JADE3: variants seen among roughly 807,000 people sequenced by gnomAD.
JADE3 encodes jade family PHD finger 3.
JADE3 carries 2 observed loss-of-function variants against 50.1 expected under a neutral mutation model. The observed-to-expected ratio is 0.04, with a 90% CI of 0.02 to 0.13. The LOEUF (loss-of-function observed/expected upper bound fraction) is 0.13, where lower values mean the gene tolerates loss of function less well. JADE3 is among the 10% of genes least tolerant of loss of function. The pLI is 1.00. For synonymous variants in JADE3, 218 were observed against 232.9 expected, an observed-to-expected ratio of 0.94 and a Z score of 0.58; for missense variants, 475 against 634.4, an observed-to-expected ratio of 0.75 and a Z score of 2.70.
intron 4 of JADE3, among the ~76,000 whole-genome samples, chrX:47,004,764 G>T (rs975377190): frequency 2.7e-5 from 3 of 112,424 alleles, no homozygotes; most frequent in African/African-American, 9.7e-5. Context: ...AATTTGAATA[G>T]CCCTGTAACT....
chrX:47,023,295 G>A (rs944326209), intron 4 of JADE3, among the ~76,000 whole-genome samples: 29 of 111,421 alleles, frequency 2.6e-4, no homozygotes, highest in Middle Eastern at 4.6e-3. Context: ...AGCAGTGTGT[G>A]TTGTTCCCCC....
At chrX:47,050,500 G>A (rs1929481940) in intron 8 of JADE3, among the ~76,000 whole-genome samples, 1 of 111,247 alleles carries the variant, frequency 9.0e-6, no homozygotes, top group African/African-American at 3.3e-5. Context: ...TTATAACTTC[G>A]TACCCATTGA....
intron 7 of JADE3, among the ~76,000 whole-genome samples, chrX:47,035,967 A>C (rs1556367863): frequency 1.8e-5 from 2 of 109,867 alleles, no homozygotes; most frequent in African/African-American, 6.6e-5. Flanking sequence ...ACATGGCAAA[A>C]CCCCATCTCT....
intron 4 of JADE3, among the ~76,000 whole-genome samples, chrX:47,019,609 GT>G (rs782079066): frequency 1.3e-4 from 15 of 111,903 alleles, no homozygotes; most frequent in Non-Finnish European, 2.3e-4. Flanking sequence ...TGAGGTTTTG[GT>G]TTTATGCAGT....
intron 1 of JADE3, among the ~76,000 whole-genome samples, chrX:46,971,471 A>G: frequency 9.1e-6 from 1 of 109,828 alleles, no homozygotes. Context: ...AATTTTTAAA[A>G]GTTATTGGAA....
chrX:46,944,721 A>C lies in JADE3; in HGVS notation c.-12+32002A>C, dbSNP rs540126976. Among the ~76,000 whole-genome samples the C allele has an allele frequency of 9.0e-5, 10 of 111,371 alleles. No individual in the cohort carries two copies. The Middle Eastern group carries it at 0.018, about 205-fold the overall frequency. On this transcript the variant is annotated intron_variant, in intron 1 of 10. Coordinates refer to ENST00000614628, the MANE Select transcript of JADE3 (RefSeq NM_014735.5). ...TGTCTCTGGAAACCACCAATTTTAAATGTTCTGTACACATTAATTTTTAGG... is the reference window on the plus strand; with the variant it reads ...TGTCTCTGGAAACCACCAATTTTAACTGTTCTGTACACATTAATTTTTAGG...
intron 4 of JADE3, among the ~76,000 whole-genome samples, chrX:47,020,337 A>G (rs1319006467): frequency 1.8e-5 from 2 of 110,920 alleles, no homozygotes; most frequent in Admixed American, 1.9e-4. Context: ...TCTCAAAAAA[A>G]AAAAAAAAGT....
At chrX:47,002,500 C>T (rs1400580754) in intron 4 of JADE3, among the ~76,000 whole-genome samples, 1 of 110,827 alleles carries the variant, frequency 9.0e-6, no homozygotes, top group Admixed American at 9.7e-5. Context: ...GTCCTGTACA[C>T]ATTTTGCTAA....
chrX:47,003,390 A>G (rs1928330045), intron 4 of JADE3, among the ~76,000 whole-genome samples: 1 of 108,979 alleles, frequency 9.2e-6, no homozygotes, highest in Non-Finnish European at 1.9e-5. Flanking sequence ...TTGTCTCCAA[A>G]TACAGTCACA....
At chrX:46,984,363 G>C in intron 1 of JADE3, among the ~76,000 whole-genome samples, 1 of 112,210 alleles carries the variant, frequency 8.9e-6, no homozygotes, top group South Asian at 3.7e-4. Context: ...TTGGGATATG[G>C]GGACAGGAAG....
intron 6 of JADE3, among the ~76,000 whole-genome samples, chrX:47,030,879 G>A (rs991239611): frequency 1.3e-4 from 14 of 110,623 alleles, no homozygotes; most frequent in African/African-American, 4.3e-4. Context: ...GTGAAACCCC[G>A]TCTCTATTAA....
At chrX:46,927,253 T>C in intron 1 of JADE3, among the ~76,000 whole-genome samples, 1 of 112,625 alleles carries the variant, frequency 8.9e-6, no homozygotes, top group East Asian at 2.8e-4. Context: ...GATAAAATGC[T>C]GAGCAATGTA....
chrX:46,947,776 C>A (rs1053437176), intron 1 of JADE3, among the ~76,000 whole-genome samples: 1 of 111,576 alleles, frequency 9.0e-6, no homozygotes, highest in African/African-American at 3.3e-5. Context: ...AGGTACCGTG[C>A]CGTTTGGTCC....
At position 46,916,535 on chromosome X, in the gene JADE3, AATC is replaced by A. The variant is rs781872791; in HGVS notation, c.-12+3819_-12+3821del. ...TAGAATCTCTAGGGCTAGATATAGA[AATC>A]ATTATCGATTGTAAAAGTGGTTAAG... On this transcript the variant is annotated intron_variant, in intron 1 of 10. Transcript: ENST00000614628. Among the ~76,000 whole-genome samples, 319 of 111,052 alleles carry A rather than the reference AATC, an allele frequency of 2.9e-3. 2 individuals carry two copies. Among genetic ancestry groups the A allele is most frequent in the African/African-American group, 9.8e-3 (300 of 30,508 alleles).
At chrX:46,941,902 TA>T (rs2147112232) in intron 1 of JADE3, among the ~76,000 whole-genome samples, 1 of 104,952 alleles carries the variant, frequency 9.5e-6, no homozygotes, top group East Asian at 3.0e-4. Flanking sequence ...CATGCCTGGC[TA>T]ATTTTTTTTT....
intron 4 of JADE3, among the ~76,000 whole-genome samples, chrX:47,012,003 C>G (rs1193891742): frequency 9.0e-6 from 1 of 111,663 alleles, no homozygotes; most frequent in Non-Finnish European, 1.9e-5. Flanking sequence ...TGCTGAAAAT[C>G]TGACCCTTTA....
chrX:46,991,421 T>C (rs1195630054), intron 3 of JADE3, among the ~76,000 whole-genome samples: 1 of 110,424 alleles, frequency 9.1e-6, no homozygotes, highest in African/African-American at 3.3e-5. Context: ...TATTACATTT[T>C]ATCAGTACAC....
intron 8 of JADE3, among the ~76,000 whole-genome samples, chrX:47,050,346 C>T (rs1212897435): frequency 3.6e-5 from 4 of 111,845 alleles, no homozygotes; most frequent in Non-Finnish European, 7.5e-5. Context: ...GGATATTTAG[C>T]ATATCTGTCA....
chrX:46,991,055 T>TCCCCCCCCCCCCCCCCCC, intron 3 of JADE3, among the ~76,000 whole-genome samples: 1 of 479 alleles, frequency 2.1e-3, no homozygotes, highest in Admixed American at 0.031. Context: ...CCTCCCTCCC[T>TCCCCCCCCCCCCCCCCCC]CCCTCACTCC....
Sources: gnomAD v4.1 joint callset for allele counts (sites outside exome capture counted in the v4.1 genomes callset) on GRCh38, gnomAD v4.1.1 for gene constraint, MANE v1.5 for transcripts, NCBI Gene and HGNC (gene_info 2026-07-23, HGNC 2026-07-21) for gene names.